VASP: variants seen among roughly 807,000 people sequenced by gnomAD.
VASP encodes the protein vasodilator stimulated phosphoprotein.
In VASP, 27 loss-of-function variants were observed where a neutral mutation model predicts 54.4. That is an observed-to-expected ratio of 0.50 (90% CI 0.37 to 0.68). The LOEUF is 0.68. VASP is among the 30% of genes least tolerant of loss of function. VASP has a pLI of 0.00. For synonymous variants in VASP, 233 were observed against 209.8 expected (o/e 1.11, Z -0.96); for missense variants, 488 against 528.3 (o/e 0.92, Z 0.75).
chr19:45,519,151 A>G (rs949302623), intron 3 of VASP, among the ~76,000 whole-genome samples: 6 of 152,172 alleles, frequency 3.9e-5, no homozygotes, highest in African/African-American at 1.4e-4. Context: ...AGTAGCTGGG[A>G]CTATAGGCGT....
chr19:45,521,266 A>T, intron 3 of VASP, 56 bp from the exon 4 acceptor site: 1 of 1,498,006 alleles, frequency 6.7e-7, no homozygotes, highest in Non-Finnish European at 9.1e-7. Flanking sequence ...GGGAAGCGCC[A>T]AGAGCTGAGC....
intron 3 of VASP, among the ~76,000 whole-genome samples, chr19:45,519,870 C>T (rs1206974241): frequency 1.5e-5 from 2 of 134,558 alleles, no homozygotes; most frequent in Non-Finnish European, 3.1e-5. Flanking sequence ...GCTGGGATTA[C>T]AGGCGTGAGC....
intron 3 of VASP, among the ~76,000 whole-genome samples, chr19:45,518,676 T>C (rs1332662622): frequency 1.3e-5 from 2 of 152,224 alleles, no homozygotes; most frequent in African/African-American, 4.8e-5. Context: ...AGGTAGGTCC[T>C]GCCCCAGAAA....
chr19:45,514,120 G>T (rs908577189), intron 1 of VASP, among the ~76,000 whole-genome samples: 22 of 152,322 alleles, frequency 1.4e-4, no homozygotes, highest in African/African-American at 5.0e-4. Context: ...TCTAAGGAGA[G>T]ACCTGAAAGT....
intron 1 of VASP, among the ~76,000 whole-genome samples, chr19:45,511,677 C>T (rs1326354341): frequency 2.0e-5 from 3 of 152,144 alleles, no homozygotes; most frequent in Admixed American, 6.5e-5. Context: ...ATGGGATTTT[C>T]GTTCTGGCTT....
chr19:45,512,327 C>T (rs867704467), intron 1 of VASP, among the ~76,000 whole-genome samples: 2 of 151,012 alleles, frequency 1.3e-5, no homozygotes, highest in East Asian at 1.9e-4. Context: ...CTTGCTCTGT[C>T]GCCCAGGCTG....
chr19:45,515,527 C>T (rs1312865054), intron 1 of VASP, among the ~76,000 whole-genome samples: 1 of 152,124 alleles, frequency 6.6e-6, no homozygotes, highest in African/African-American at 2.4e-5. Context: ...GACGCTGTAC[C>T]AAGCACTTAG....
intron 4 of VASP, 120 bp from the exon 5 acceptor site, chr19:45,522,048 G>A (rs747426234): frequency 8.2e-6 from 11 of 1,348,710 alleles, no homozygotes; most frequent in Non-Finnish European, 1.1e-5. Flanking sequence ...GAAGGCTTGG[G>A]TGAGTATTAG....
At chr19:45,524,232 G>T in intron 10 of VASP, 90 bp downstream of exon 10, 1 of 1,455,136 alleles carries the variant, frequency 6.9e-7, no homozygotes, top group Non-Finnish European at 9.6e-7. Context: ...GCAACATGGC[G>T]ACACCCCATC....
intron 11 of VASP, 167 bp from the exon 12 acceptor site, chr19:45,525,779 G>T (rs922108255): frequency 6.5e-6 from 4 of 616,584 alleles, no homozygotes; most frequent in Non-Finnish European, 1.1e-5. Context: ...TAAGGCAGGA[G>T]GATTACCTGA....
chr19:45,514,195 C>T (rs912699336), intron 1 of VASP, among the ~76,000 whole-genome samples: 9 of 151,972 alleles, frequency 5.9e-5, no homozygotes, highest in Admixed American at 3.9e-4. Context: ...GTCTGGCCTG[C>T]GGGAAGAGCA....
At chr19:45,525,847 C>A in intron 11 of VASP, 99 bp from the exon 12 acceptor site, 1 of 1,224,522 alleles carries the variant, frequency 8.2e-7, no homozygotes, top group Non-Finnish European at 1.2e-6. Flanking sequence ...CTAGCCTGGG[C>A]AACAGAGCAA....
At chr19:45,518,268 T>A (rs1968752507) in intron 3 of VASP, among the ~76,000 whole-genome samples, 174 bp downstream of exon 3, 1 of 152,192 alleles carries the variant, frequency 6.6e-6, no homozygotes. Context: ...TGTGCACCTA[T>A]GTGTAAAATG....
intron 3 of VASP, 105 bp downstream of exon 3, chr19:45,518,199 C>G (rs943415418): frequency 5.6e-6 from 8 of 1,419,686 alleles, no homozygotes; most frequent in Non-Finnish European, 7.5e-6. Flanking sequence ...TAAAATAGAG[C>G]GAATTCATTG....
chr19:45,520,550 G>C (rs953107356), intron 3 of VASP, among the ~76,000 whole-genome samples: 1 of 152,228 alleles, frequency 6.6e-6, no homozygotes, highest in Non-Finnish European at 1.5e-5. Context: ...CTAATTCATT[G>C]TTAATTCGTA....
intron 1 of VASP, among the ~76,000 whole-genome samples, chr19:45,514,449 G>A (rs1968661258): frequency 6.6e-6 from 1 of 152,092 alleles, no homozygotes. Flanking sequence ...TTGAACTTCT[G>A]GACTAAAGCA....
chr19:45,511,776 TAAG>T (rs531938084), intron 1 of VASP, among the ~76,000 whole-genome samples: 57 of 152,308 alleles, frequency 3.7e-4, no homozygotes, highest in African/African-American at 1.3e-3. Flanking sequence ...AAACAAATAA[TAAG>T]CAGTTTGAAA....
intron 4 of VASP, 139 bp from the exon 5 acceptor site, chr19:45,522,029 C>G: frequency 9.0e-7 from 1 of 1,107,616 alleles, no homozygotes; most frequent in South Asian, 1.5e-5. Context: ...TCTTGGTTCC[C>G]TAGGGGAGGA....
At position 45,526,123 on chromosome 19, in the gene VASP, TC is replaced by T. The variant is rs767360266; in HGVS notation, c.1106-15del. 1 of 1,613,870 alleles carries T rather than the reference TC, an allele frequency of 6.2e-7. No homozygotes were observed. Among genetic ancestry groups the T allele is most frequent in the East Asian group, 2.2e-5 (1 of 44,834 alleles). The stretch of plus-strand genomic sequence containing the variant: ...CAGAGACTCTGCCCCTGACCTCTGC[TC>T]CTTGTTTCCTTCCAGCCTTCGTCCA... On this transcript the variant is annotated splice_polypyrimidine_tract_variant and intron_variant, in intron 12 of 12. Coordinates refer to ENST00000245932, the MANE Select transcript of VASP (RefSeq NM_003370.4).
Sources: allele counts gnomAD v4.1 joint callset (sites outside exome capture counted in the v4.1 genomes callset), GRCh38; gene constraint gnomAD v4.1.1; transcripts MANE v1.5; gene names NCBI Gene and HGNC (gene_info 2026-07-23, HGNC 2026-07-21).